The following IQSEC1 variants were observed in gnomAD, a reference collection of about 807,000 sequenced individuals.
IQSEC1 encodes the protein IQ motif and Sec7 domain ArfGEF 1.
Under a neutral mutation model 91.0 loss-of-function variants are expected in IQSEC1, and 31 were observed. The observed-to-expected ratio is 0.34, with a 90% CI of 0.26 to 0.46. The LOEUF (loss-of-function observed/expected upper bound fraction) is 0.46, where lower values mean the gene tolerates loss of function less well. Ranked by LOEUF, IQSEC1 falls within the 20% of genes least tolerant of loss-of-function variation. IQSEC1 has a pLI of 1.00. For missense variants in IQSEC1, 1,388 were observed against 1,575.6 expected (o/e 0.88, Z 2.02); for synonymous variants, 699 against 662.6 (o/e 1.05, Z -0.84).
At chr3:13,197,469 C>G (rs944640845) in intron 1 of IQSEC1, among the ~76,000 whole-genome samples, 2 of 152,186 alleles carry the variant, frequency 1.3e-5, no homozygotes, top group East Asian at 3.9e-4. Flanking sequence ...ACACTCATCA[C>G]CAGGCCAGCT....
At chr3:13,274,820 A>G (rs1476488142) in intron 1 of IQSEC1, among the ~76,000 whole-genome samples, 1 of 152,236 alleles carries the variant, frequency 6.6e-6, no homozygotes. Flanking sequence ...AACCACTGTC[A>G]GCTGCTTTGC....
Position 12,967,659 on chromosome 3 carries a change from C to T in IQSEC1, c.24-25794G>A, listed in dbSNP as rs1056320966. ...GCCCCAAGTCCGAGCCCCAGGCCAG[C>T]CAAGCCCGCCCCTCCGCCGCCGCCC... On this transcript the variant is annotated intron_variant, in intron 1 of 13. Transcript: ENST00000613206. The surrounding 1 kb of genome is among the most constrained non-coding windows in gnomAD (Gnocchi z 5.9). 2.1e-5 allele frequency: 25 copies of T among 1,187,064 alleles called. 1 individual carries two copies. In the South Asian group the frequency reaches 8.8e-4, roughly 42 times the overall value. The allele number at this position is 1,187,064 out of a possible 1,614,324, so 73.5% of individuals were successfully genotyped here.
At position 12,940,166 on chromosome 3, in the gene IQSEC1, G is replaced by A. The variant is rs917277012; in HGVS notation, c.318+1405C>T. On this transcript the variant is annotated intron_variant, in intron 2 of 13. Coordinates refer to ENST00000613206, the MANE Select transcript of IQSEC1 (RefSeq NM_001134382.3). The surrounding 1 kb of genome is among the most constrained non-coding windows in gnomAD (Gnocchi z 4.4). Reference sequence around the variant, plus strand: ...TTTGGATCTGGGCATCACGGATAAAGGAACAGAGGTTGCTCTGCCCTGTGT... The same window carrying A: ...TTTGGATCTGGGCATCACGGATAAAAGAACAGAGGTTGCTCTGCCCTGTGT... Among the ~76,000 whole-genome samples the A allele has an allele frequency of 6.6e-6, 1 of 152,108 alleles. No individual in the cohort carries two copies. The highest frequency in any genetic ancestry group is 2.4e-5 in the African/African-American group (1 of 41,420).
At chr3:13,229,646 A>G (rs1694811993) in intron 1 of IQSEC1, among the ~76,000 whole-genome samples, 2 of 152,146 alleles carry the variant, frequency 1.3e-5, no homozygotes, top group South Asian at 4.2e-4. Context: ...GTGGACTCAC[A>G]CCCATCTATT....
Position 13,159,405 on chromosome 3 carries a change from GACA to G in IQSEC1, c.302+4696_302+4698del, listed in dbSNP as rs373186535. On this transcript the variant is annotated intron_variant, in intron 2 of 15. Coordinates refer to the IQSEC1 transcript ENST00000648114. ...GATCACGTCACTGCACTCCAGCCTG[GACA>G]ACAAGAACAAGACCCCATCTCAAAA... is the stretch of plus-strand genomic sequence containing the variant. Among the ~76,000 whole-genome samples, 77 of 152,224 alleles carry G rather than the reference GACA, an allele frequency of 5.1e-4. 2 individuals carry two copies. In the South Asian group the frequency reaches 0.01, roughly 21 times the overall value.
At chr3:13,092,392 C>T (rs530283274) in intron 2 of IQSEC1, among the ~76,000 whole-genome samples, 1 of 152,108 alleles carries the variant, frequency 6.6e-6, no homozygotes, top group African/African-American at 2.4e-5. Context: ...AAACACGCCC[C>T]GGCTGACCAC....
rs1700840210 is a variant in IQSEC1, at chr3:12,970,510, G to A, written c.24-28645C>T. 1.3e-5 allele frequency among the ~76,000 whole-genome samples: 2 copies of A among 152,156 alleles called. No individual in the cohort carries two copies. Among genetic ancestry groups the A allele is most frequent in the Admixed American group, 6.5e-5 (1 of 15,284 alleles). On this transcript the variant is annotated intron_variant, in intron 1 of 13. Coordinates refer to ENST00000613206, the MANE Select transcript of IQSEC1 (RefSeq NM_001134382.3). This position sits in a 1 kb window ranked among gnomAD's most constrained non-coding sequence, Gnocchi z 4.4. Reference sequence around the variant, plus strand: ...CCTCCCTGCTTTCCTCCAGCCAGATGTGTGGCACTCTCCCAAAGCCCAGCC... The same window carrying A: ...CCTCCCTGCTTTCCTCCAGCCAGATATGTGGCACTCTCCCAAAGCCCAGCC...
intron 1 of IQSEC1, among the ~76,000 whole-genome samples, chr3:13,069,707 T>C (rs1705351711): frequency 6.6e-6 from 1 of 152,162 alleles, no homozygotes; most frequent in African/African-American, 2.4e-5. Flanking sequence ...CAGCCTCACT[T>C]CCTGTGTTCA....
At position 12,899,314 on chromosome 3, in the gene IQSEC1, C is replaced by G. The variant is rs760189553; in HGVS notation, c.*1669G>C. The stretch of plus-strand genomic sequence containing the variant: ...AACGCGGCCCCGCGGCCCGCAGAGT[C>G]AGGCGTGAGCTTCGCCCTTTCTGAA... On this transcript the variant is annotated 3_prime_UTR_variant, in exon 14 of 14. Transcript: ENST00000613206. 6.5e-7 allele frequency: 1 copy of G among 1,528,710 alleles called. No individual in the cohort carries two copies. Among genetic ancestry groups the G allele is most frequent in the East Asian group, 2.3e-5 (1 of 42,856 alleles). 94.7% of individuals were successfully genotyped at this position (1,528,710 alleles called of 1,614,324 possible).
chr3:13,164,686 T>C (rs1693447700), intron 1 of IQSEC1, among the ~76,000 whole-genome samples: 1 of 152,184 alleles, frequency 6.6e-6, no homozygotes, highest in African/African-American at 2.4e-5. Flanking sequence ...CAGATTGTAT[T>C]GCGCACTTGA....
intron 1 of IQSEC1, among the ~76,000 whole-genome samples, chr3:12,980,432 C>T (rs1701395384): frequency 6.6e-6 from 1 of 152,208 alleles, no homozygotes; most frequent in Admixed American, 6.5e-5. Flanking sequence ...ATCCCTCATG[C>T]AACACAATCC....
Position 12,899,588 on chromosome 3 carries a change from A to C in IQSEC1, c.*1395T>G, listed in dbSNP as rs1353091322. The C allele has an allele frequency of 1.0e-6, 1 of 985,422 alleles. No individual in the cohort carries two copies. Among genetic ancestry groups the C allele is most frequent in the Non-Finnish European group, 1.2e-6 (1 of 829,918 alleles). 61.0% of individuals were successfully genotyped at this position (985,422 alleles called of 1,614,324 possible). On this transcript the variant is annotated 3_prime_UTR_variant, in exon 14 of 14. Coordinates refer to ENST00000613206, the MANE Select transcript of IQSEC1 (RefSeq NM_001134382.3). ...GCAGCTCACTGGACCATGGGAAGGC[A>C]GCGGGGGCTCCGCCGGGCACTCGTC...
At chr3:13,028,155 C>CA (rs5846798) in intron 1 of IQSEC1, among the ~76,000 whole-genome samples, 2,998 of 152,324 alleles carry the variant, frequency 0.02, 100 homozygotes, top group African/African-American at 0.069. Context: ...TTTGCTTATC[C>CA]ATTTCTCACG....
In IQSEC1 at chr3:13,073,135, C is replaced by A; in HGVS notation, c.-121G>T. 1.7e-6 allele frequency: 2 copies of A among 1,150,714 alleles called. No individual in the cohort carries two copies. The highest frequency in any genetic ancestry group is 2.5e-6 in the Non-Finnish European group (2 of 804,400). The allele number at this position is 1,150,714 out of a possible 1,614,324, so 71.3% of individuals were successfully genotyped here. On this transcript the variant is annotated 5_prime_UTR_variant, in exon 1 of 14. Coordinates refer to ENST00000613206, the MANE Select transcript of IQSEC1 (RefSeq NM_001134382.3). ...AGGGGAATAAAATTAAATCGCGGGG[C>A]GAGTCACATTCCCGGGGGTGGCGGG...
intron 1 of IQSEC1, among the ~76,000 whole-genome samples, chr3:13,216,717 A>T (rs548601166): frequency 2.0e-5 from 3 of 152,374 alleles, no homozygotes; most frequent in African/African-American, 2.4e-5. Context: ...GGCACAGAGT[A>T]TGGTGAGCAG....
At chr3:13,107,311 C>G (rs1034051919) in intron 2 of IQSEC1, among the ~76,000 whole-genome samples, 5 of 152,244 alleles carry the variant, frequency 3.3e-5, no homozygotes, top group Non-Finnish European at 7.3e-5. Flanking sequence ...TCTAGATCCT[C>G]TATAAATTAT....
At chr3:12,925,414 C>T (rs561755099) in intron 3 of IQSEC1, among the ~76,000 whole-genome samples, 9 of 152,210 alleles carry the variant, frequency 5.9e-5, no homozygotes, top group Admixed American at 3.3e-4. Context: ...AGCCCAGACT[C>T]GGGAGCCCAA....
rs531548946 is a variant in IQSEC1, at chr3:12,939,980, G to A, written c.318+1591C>T. Among the ~76,000 whole-genome samples, 22 of 152,298 alleles carry A rather than the reference G, an allele frequency of 1.4e-4. 1 individual carries two copies. The highest frequency in any genetic ancestry group is 4.1e-4 in the South Asian group (2 of 4,828). Reference sequence around the variant, plus strand: ...ACACAGTGTCTGGTGCATAGTGGGCGTTCAGATAATATGCATGGAATGAAA... The same window carrying A: ...ACACAGTGTCTGGTGCATAGTGGGCATTCAGATAATATGCATGGAATGAAA... On this transcript the variant is annotated intron_variant, in intron 2 of 13. Transcript: ENST00000613206.
intron 3 of IQSEC1, among the ~76,000 whole-genome samples, chr3:12,931,483 C>T (rs922966978): frequency 6.6e-6 from 1 of 152,228 alleles, no homozygotes; most frequent in Non-Finnish European, 1.5e-5. Context: ...AGACAATAGG[C>T]GGAAGGTGTT....
Sources: allele counts gnomAD v4.1 joint callset (sites outside exome capture counted in the v4.1 genomes callset), GRCh38; gene constraint gnomAD v4.1.1; non-coding constraint Gnocchi (gnomAD v3.1); transcripts MANE v1.5; gene names NCBI Gene and HGNC (gene_info 2026-07-23, HGNC 2026-07-21).